The following TP63 variants were observed in gnomAD, a reference collection of about 807,000 sequenced individuals.
TP63 encodes tumor protein p63, also known as tumor protein 63.
A neutral mutation model predicts 82.8 loss-of-function variants in TP63; 17 were observed. That is an observed-to-expected ratio of 0.21 (90% confidence interval 0.14 to 0.31). TP63 has a LOEUF of 0.31. Ranked by LOEUF, TP63 falls within the 10% of genes least tolerant of loss-of-function variation. The probability of loss-of-function intolerance (pLI) is 1.00; values close to 1 mark genes in which losing one functional copy is unlikely to be tolerated. For missense variants in TP63, 648 were observed against 895.3 expected (o/e 0.72, Z 3.52); for synonymous variants, 330 against 321.7 (o/e 1.03, Z -0.28).
chr3:189,620,425 G>A, the TP63 span, among the ~76,000 whole-genome samples: 4 of 146,330 alleles, frequency 2.7e-5, no homozygotes, highest in African/African-American at 5.0e-5. Flanking sequence ...CAGGAGAATC[G>A]CTTGAACCTG....
intron 10 of TP63, chr3:189,880,153 C>T (rs1478312230): frequency 6.2e-7 from 1 of 1,613,678 alleles, no homozygotes; most frequent in African/African-American, 1.3e-5. Context: ...CATTCCAAGC[C>T]CCCAAACCGA....
chr3:189,867,780 A>G (rs750209227), intron 6 of TP63, 53 bp from the exon 7 acceptor site: 42 of 1,500,600 alleles, frequency 2.8e-5, no homozygotes, highest in Non-Finnish European at 3.8e-5. Flanking sequence ...CTGAGAAGGA[A>G]CAACGTCAGT....
intron 1 of TP63, among the ~76,000 whole-genome samples, chr3:189,683,350 A>C (rs1034385764): frequency 3.3e-5 from 5 of 152,210 alleles, no homozygotes; most frequent in African/African-American, 1.2e-4. Context: ...CCCAAGGCTT[A>C]TGTCAGTATG....
intron 4 of TP63, among the ~76,000 whole-genome samples, chr3:189,809,708 C>A (rs534009914): frequency 6.6e-6 from 1 of 152,178 alleles, no homozygotes; most frequent in African/African-American, 2.4e-5. Flanking sequence ...TAGTTCATTC[C>A]AGCCTTTAGT....
intron 3 of TP63, among the ~76,000 whole-genome samples, chr3:189,777,069 C>T (rs994747502): frequency 6.6e-6 from 1 of 152,208 alleles, no homozygotes; most frequent in East Asian, 1.9e-4. Context: ...CTCATATTTA[C>T]TTCAAGTATG....
chr3:189,637,308 G>T (rs904708459), intron 1 of TP63, among the ~76,000 whole-genome samples: 9 of 151,990 alleles, frequency 5.9e-5, no homozygotes, highest in African/African-American at 1.9e-4. Context: ...CATTTTTCAT[G>T]ACCTGCTGTA....
At chr3:189,867,689 A>G in intron 6 of TP63, 144 bp from the exon 7 acceptor site, 2 of 765,182 alleles carry the variant, frequency 2.6e-6, no homozygotes, top group Admixed American at 2.1e-5. Context: ...AGAAAAATCT[A>G]CAACAGGGTT....
chr3:189,801,852 TTGTA>T (rs1298654980), intron 3 of TP63, among the ~76,000 whole-genome samples: 2 of 152,360 alleles, frequency 1.3e-5, no homozygotes, highest in East Asian at 1.9e-4. Flanking sequence ...ATTTTGTTCT[TTGTA>T]TGAGTATATA....
intron 3 of TP63, among the ~76,000 whole-genome samples, chr3:189,771,812 C>T (rs574691817): frequency 1.3e-5 from 2 of 152,218 alleles, no homozygotes; most frequent in South Asian, 4.1e-4. Context: ...CAACATTCAG[C>T]AAATTTGTTG....
intron 4 of TP63, among the ~76,000 whole-genome samples, chr3:189,863,849 T>G (rs535678698): frequency 1.3e-5 from 2 of 152,186 alleles, no homozygotes; most frequent in Non-Finnish European, 2.9e-5. Context: ...TGGTTGTTGT[T>G]TAATATCACT....
intron 1 of TP63, among the ~76,000 whole-genome samples, chr3:189,706,758 G>T (rs1718233061): frequency 6.6e-6 from 1 of 152,156 alleles, no homozygotes. Context: ...AGGGACACAG[G>T]TTATCACCAG....
chr3:189,607,109 T>C, the TP63 span, among the ~76,000 whole-genome samples: 24 of 120,008 alleles, frequency 2.0e-4, no homozygotes, highest in African/African-American at 5.8e-4. Context: ...AGAAGGGTTC[T>C]TCAAAATTTC....
At chr3:189,695,672 C>T (rs1360409813) in intron 1 of TP63, among the ~76,000 whole-genome samples, 1 of 152,166 alleles carries the variant, frequency 6.6e-6, no homozygotes, top group Middle Eastern at 3.2e-3. Flanking sequence ...AACTTTTATT[C>T]AACCACATGG....
At chr3:189,826,684 A>G (rs1711507563) in intron 4 of TP63, among the ~76,000 whole-genome samples, 1 of 152,178 alleles carries the variant, frequency 6.6e-6, no homozygotes, top group African/African-American at 2.4e-5. Context: ...AAGCTTCAGA[A>G]TTACTAACCA....
intron 1 of TP63, among the ~76,000 whole-genome samples, chr3:189,638,691 T>A (rs576625284): frequency 3.2e-4 from 48 of 152,302 alleles, no homozygotes; most frequent in African/African-American, 1.2e-3. Flanking sequence ...CAATTTTGAT[T>A]CGGGTGGTTA....
chr3:189,845,421 T>G (rs1422974432), intron 4 of TP63, among the ~76,000 whole-genome samples: 3 of 152,178 alleles, frequency 2.0e-5, no homozygotes, highest in African/African-American at 7.2e-5. Flanking sequence ...CTTATAACAG[T>G]GATGAGAAAA....
the TP63 span, among the ~76,000 whole-genome samples, chr3:189,617,600 G>A: frequency 6.6e-6 from 1 of 152,110 alleles, no homozygotes; most frequent in Non-Finnish European, 1.5e-5. Context: ...GATATAATAA[G>A]GATACTCTAC....
At chr3:189,843,001 C>T (rs1322362886) in intron 4 of TP63, among the ~76,000 whole-genome samples, 3 of 152,140 alleles carry the variant, frequency 2.0e-5, no homozygotes, top group Non-Finnish European at 4.4e-5. Context: ...GCAAAATTAC[C>T]GATCAAGTCT....
At chr3:189,616,320 A>G in the TP63 span, among the ~76,000 whole-genome samples, 1 of 152,212 alleles carries the variant, frequency 6.6e-6, no homozygotes, top group Non-Finnish European at 1.5e-5. Context: ...TTGAGTAGAC[A>G]GCAAAGCCCT....
Sources: gnomAD v4.1 joint callset for allele counts (sites outside exome capture counted in the v4.1 genomes callset) on GRCh38, gnomAD v4.1.1 for gene constraint, MANE v1.5 for transcripts, NCBI Gene and HGNC (gene_info 2026-07-23, HGNC 2026-07-21) for gene names.